Variants in VWA3B observed in about 807,000 individuals in gnomAD.
The protein encoded by VWA3B is von Willebrand factor A domain-containing protein 3B.
A neutral mutation model predicts 158.3 loss-of-function variants in VWA3B; 138 were observed. That is an observed-to-expected ratio of 0.87 (90% CI 0.76 to 1.00). The LOEUF is 1.00. VWA3B is among the 50% of genes least tolerant of loss of function. The probability of loss-of-function intolerance (pLI) is 0.00; values close to 1 mark genes in which losing one functional copy is unlikely to be tolerated. For missense variants in VWA3B, 1,555 were observed against 1,565.1 expected, an observed-to-expected ratio of 0.99 and a Z score of 0.11; for synonymous variants, 596 against 587.3, an observed-to-expected ratio of 1.01 and a Z score of -0.21.
At chr2:98,251,867 G>A (rs900197959) in intron 20 of VWA3B, among the ~76,000 whole-genome samples, 2 of 152,082 alleles carry the variant, frequency 1.3e-5, no homozygotes, top group Non-Finnish European at 2.9e-5. Context: ...GCCGCCTTAC[G>A]AGGCTCCTCA....
intron 8 of VWA3B, among the ~76,000 whole-genome samples, chr2:98,170,715 T>A (rs1679512171): frequency 6.6e-6 from 1 of 152,058 alleles, no homozygotes; most frequent in African/African-American, 2.4e-5. Flanking sequence ...CAAGTGATTG[T>A]CCTGCCTCAG....
intron 14 of VWA3B, among the ~76,000 whole-genome samples, chr2:98,222,888 C>T (rs962277916): frequency 6.6e-6 from 1 of 152,118 alleles, no homozygotes; most frequent in African/African-American, 2.4e-5. Context: ...AAATAGGACC[C>T]AGAATCTTCT....
At chr2:98,318,045 G>A (rs1047903353), downstream of VWA3B, among the ~76,000 whole-genome samples, 3 of 152,132 alleles carry the variant, frequency 2.0e-5, no homozygotes, top group African/African-American at 7.2e-5. Flanking sequence ...CAGTCAGAAT[G>A]GCTATTATTA....
intron 7 of VWA3B, among the ~76,000 whole-genome samples, chr2:98,138,676 G>A (rs181594887): frequency 1.3e-5 from 2 of 152,342 alleles, no homozygotes; most frequent in African/African-American, 2.4e-5. Flanking sequence ...GCGTGAGGGT[G>A]GGGCTAGGTT....
intron 20 of VWA3B, 91 bp from the exon 21 acceptor site, chr2:98,256,033 G>A: frequency 7.0e-7 from 1 of 1,422,914 alleles, no homozygotes; most frequent in Non-Finnish European, 9.8e-7. Context: ...ATGATGCTTA[G>A]ATGGGCTCCC....
chr2:98,199,341 G>GA (rs2105462465), intron 12 of VWA3B, among the ~76,000 whole-genome samples: 2 of 152,282 alleles, frequency 1.3e-5, no homozygotes, highest in African/African-American at 4.8e-5. Context: ...ATTTTTGTGT[G>GA]AAAAGGTGTT....
downstream of VWA3B, among the ~76,000 whole-genome samples, chr2:98,316,985 C>G (rs1691102034): frequency 6.6e-6 from 1 of 152,174 alleles, no homozygotes; most frequent in Admixed American, 6.5e-5. Context: ...ATAAATTACC[C>G]AGTCTCTAGT....
At position 98,176,340 on chromosome 2, in the gene VWA3B, A is replaced by G. The variant is rs79984086; in HGVS notation, c.1115-4676A>G. Among the ~76,000 whole-genome samples the G allele has an allele frequency of 5.9e-3, 680 of 115,272 alleles. 7 individuals are homozygous for G. Among genetic ancestry groups the G allele is most frequent in the African/African-American group, 0.023 (653 of 28,516 alleles). 75.6% of individuals were successfully genotyped at this position (115,272 alleles called of 152,430 possible). On this transcript the variant is annotated intron_variant, in intron 8 of 27. Coordinates refer to ENST00000477737, the MANE Select transcript of VWA3B (RefSeq NM_144992.5). ...TTTCCTCCCTCCCTCCCTCATCATC[A>G]CCACTTAACATGTGAATTTCAGGTC...
intron 22 of VWA3B, among the ~76,000 whole-genome samples, chr2:98,288,918 C>T (rs540732838): frequency 1.3e-5 from 2 of 152,200 alleles, no homozygotes; most frequent in African/African-American, 4.8e-5. Context: ...ACACTTAAAC[C>T]ATCGTGTTGT....
At chr2:98,090,924 TAA>T (rs1415624048) in intron 1 of VWA3B, among the ~76,000 whole-genome samples, 1 of 144,150 alleles carries the variant, frequency 6.9e-6, no homozygotes, top group African/African-American at 2.5e-5. Context: ...CCTGGCTAAT[TAA>T]AAAAAAAAAA....
intron 2 of VWA3B, among the ~76,000 whole-genome samples, chr2:98,111,616 A>T (rs1559541287): frequency 6.6e-6 from 1 of 152,076 alleles, no homozygotes; most frequent in Non-Finnish European, 1.5e-5. Flanking sequence ...ATGGTATCTC[A>T]TTGTAGTTTT....
intron 22 of VWA3B, among the ~76,000 whole-genome samples, chr2:98,271,453 G>GT (rs1299638845): frequency 6.6e-6 from 1 of 151,806 alleles, no homozygotes; most frequent in Non-Finnish European, 1.5e-5. Flanking sequence ...TTTCCTTTTA[G>GT]TTTTTTTTCT....
chr2:98,188,556 T>C (rs949447649), intron 10 of VWA3B, among the ~76,000 whole-genome samples: 1 of 152,216 alleles, frequency 6.6e-6, no homozygotes, highest in Non-Finnish European at 1.5e-5. Flanking sequence ...TCTGCTCAGA[T>C]ATTTTTAGCT....
chr2:98,181,583 T>C (rs1329396952), intron 9 of VWA3B, among the ~76,000 whole-genome samples: 1 of 152,164 alleles, frequency 6.6e-6, no homozygotes, highest in Admixed American at 6.5e-5. Flanking sequence ...GCAGCAGGCG[T>C]TTCTGTGGTC....
Position 98,091,894 on chromosome 2 carries a change from G to A in VWA3B, c.-32-1167G>A, listed in dbSNP as rs148798908. On this transcript the variant is annotated intron_variant, in intron 1 of 27. Coordinates refer to ENST00000477737, the MANE Select transcript of VWA3B (RefSeq NM_144992.5). ...TTTCTACACTTCCTCCAGGTCACCA[G>A]GCCCTGCCCATTTGTGGTGAGCGGG... Among the ~76,000 whole-genome samples, 94 of 152,352 alleles carry A rather than the reference G, an allele frequency of 6.2e-4. No homozygotes were observed. The South Asian group carries it at 0.014, about 23-fold the overall frequency.
At chr2:98,277,960 C>CT (rs879896181) in intron 22 of VWA3B, among the ~76,000 whole-genome samples, 2,032 of 147,490 alleles carry the variant, frequency 0.014, 31 homozygotes, top group African/African-American at 0.046. Flanking sequence ...TCAATTGTAA[C>CT]TTTTTTTTTT....
intron 7 of VWA3B, among the ~76,000 whole-genome samples, chr2:98,157,451 T>C (rs1015473352): frequency 6.6e-6 from 1 of 152,188 alleles, no homozygotes; most frequent in Non-Finnish European, 1.5e-5. Context: ...TAGAAATAAC[T>C]GGGAATTTTT....
chr2:98,258,451 A>C (rs1168863433), intron 21 of VWA3B, among the ~76,000 whole-genome samples: 1 of 151,862 alleles, frequency 6.6e-6, no homozygotes, highest in African/African-American at 2.4e-5. Flanking sequence ...GAAGAGTATT[A>C]CCATTTTAAC....
chr2:98,092,816 GTATATATATATATA>G (rs70940110), intron 1 of VWA3B, among the ~76,000 whole-genome samples: 2,491 of 51,502 alleles, frequency 0.048, 86 homozygotes, highest in South Asian at 0.064. Flanking sequence ...AGATGTTTTT[GTATATATATATATA>G]TATATATATA....
Sources: gnomAD v4.1 joint callset for allele counts (sites outside exome capture counted in the v4.1 genomes callset) on GRCh38, gnomAD v4.1.1 for gene constraint, MANE v1.5 for transcripts, NCBI Gene and HGNC (gene_info 2026-07-23, HGNC 2026-07-21) for gene names.